KCNS3: variants seen among roughly 807,000 people sequenced by gnomAD.
KCNS3 encodes delayed-rectifier potassium channel regulatory subunit KCNS3.
A neutral mutation model predicts 31.0 loss-of-function variants in KCNS3; 13 were observed. That is an observed-to-expected ratio of 0.42 (90% CI 0.27 to 0.67). The LOEUF (loss-of-function observed/expected upper bound fraction) is 0.67, where lower values mean the gene tolerates loss of function less well. KCNS3 is among the 30% of genes least tolerant of loss of function. The pLI, the probability that KCNS3 is intolerant of heterozygous loss-of-function variation, is 0.25. For synonymous variants in KCNS3, 238 were observed against 241.5 expected, an observed-to-expected ratio of 0.99 and a Z score of 0.13; for missense variants, 545 against 622.4, an observed-to-expected ratio of 0.88 and a Z score of 1.32.
chr2:17,905,641 G>A (rs934011428), intron 1 of KCNS3, among the ~76,000 whole-genome samples: 5 of 152,074 alleles, frequency 3.3e-5, no homozygotes, highest in Admixed American at 2.6e-4. Context: ...TCTCATCAAT[G>A]CCTAATTTAT....
At chr2:17,913,884 T>C (rs765351863) in intron 1 of KCNS3, among the ~76,000 whole-genome samples, 45 of 152,186 alleles carry the variant, frequency 3.0e-4, no homozygotes, top group Non-Finnish European at 6.0e-4. Flanking sequence ...GGGGTGCTGC[T>C]AAACACTCTA....
chr2:17,932,431 G>T lies in KCNS3; in HGVS notation c.1423G>T (p.Asp475Tyr). The T allele has an allele frequency of 6.2e-7, 1 of 1,613,984 alleles. No homozygotes were observed. Among genetic ancestry groups the T allele is most frequent in the Non-Finnish European group, 8.5e-7 (1 of 1,179,970 alleles). ...CTCCACAGATGCTTCAAGCATTGAA[G>T]ACAATGAGGACATTTGTAACACCAC... ...PDSTDASSIE[D>Y]NEDICNTTSL... The change falls in exon 3 of 3, where the codon GAC becomes TAC. Residue 475 changes from aspartate to tyrosine, a missense_variant. Asp to Tyr is a radical substitution (Grantham distance 160, BLOSUM62 -3). Coordinates refer to ENST00000304101, the MANE Select transcript of KCNS3 (RefSeq NM_002252.5).
At position 17,921,222 on chromosome 2, in the gene KCNS3, T is replaced by C. The variant is rs139357557; in HGVS notation, c.-60+3351T>C. Among the ~76,000 whole-genome samples, 181 of 152,318 alleles carry C rather than the reference T, an allele frequency of 1.2e-3. No individual in the cohort carries two copies. In the East Asian group the frequency reaches 0.015, roughly 12 times the overall value. On this transcript the variant is annotated intron_variant, in intron 2 of 2. Coordinates refer to ENST00000304101, the MANE Select transcript of KCNS3 (RefSeq NM_002252.5). ...ACATTTTTAATGGAGAATTTTAACA[T>C]GTACAAAAATAAAATAATACATTAA...
chr2:17,880,695 T>G (rs1358897651), intron 1 of KCNS3, among the ~76,000 whole-genome samples: 1 of 152,228 alleles, frequency 6.6e-6, no homozygotes, highest in African/African-American at 2.4e-5. Context: ...TCAGAAGCAG[T>G]CTTTGTTCTG....
At chr2:17,917,398 G>A (rs1399732228) in intron 1 of KCNS3, among the ~76,000 whole-genome samples, 1 of 152,140 alleles carries the variant, frequency 6.6e-6, no homozygotes, top group Non-Finnish European at 1.5e-5. Context: ...CCTAATTCTA[G>A]TGCCTGGTTT....
chr2:17,894,149 A>G (rs1661931370), intron 1 of KCNS3, among the ~76,000 whole-genome samples: 1 of 151,978 alleles, frequency 6.6e-6, no homozygotes, highest in Non-Finnish European at 1.5e-5. Flanking sequence ...TTATGTGAGC[A>G]ACTCAGAAAC....
chr2:17,901,216 A>T (rs1026230630), intron 1 of KCNS3, among the ~76,000 whole-genome samples: 16 of 152,180 alleles, frequency 1.1e-4, no homozygotes, highest in African/African-American at 3.6e-4. Context: ...GAAGGAAGAA[A>T]TTGAGGGTAG....
intron 1 of KCNS3, among the ~76,000 whole-genome samples, chr2:17,881,120 C>A (rs1451153391): frequency 6.6e-6 from 1 of 152,210 alleles, no homozygotes; most frequent in African/African-American, 2.4e-5. Flanking sequence ...GCTTTCTTCA[C>A]TGCAGTATTG....
intron 1 of KCNS3, among the ~76,000 whole-genome samples, chr2:17,900,411 TG>T: frequency 6.6e-6 from 1 of 152,134 alleles, no homozygotes; most frequent in Middle Eastern, 3.4e-3. Flanking sequence ...AGCTGAGTCT[TG>T]AAGGACATTC....
chr2:17,931,889 T>C lies in KCNS3; in HGVS notation c.881T>C (p.Leu294Pro). Residue 294 changes from leucine (L) to proline (P), a missense_variant, in exon 3 of 3, where the codon CTT becomes CCT. Transcript: ENST00000304101. The surrounding 1 kb of genome is among the most constrained non-coding windows in gnomAD (Gnocchi z 5.4). ...NMGKVVQILR[L>P]MRIFRILKLA... ...GGCAAGGTGGTCCAGATCCTACGGCTTATGAGGATTTTCCGAATTCTAAAG... is the reference window on the plus strand; with the variant it reads ...GGCAAGGTGGTCCAGATCCTACGGCCTATGAGGATTTTCCGAATTCTAAAG... 1 of 1,614,116 alleles carries C rather than the reference T, an allele frequency of 6.2e-7. No homozygotes were observed. Among genetic ancestry groups the C allele is most frequent in the Non-Finnish European group, 8.5e-7 (1 of 1,179,996 alleles).
chr2:17,915,723 T>C (rs1406084485), intron 1 of KCNS3, among the ~76,000 whole-genome samples: 1 of 152,236 alleles, frequency 6.6e-6, no homozygotes, highest in Non-Finnish European at 1.5e-5. Flanking sequence ...ATGCTAGTTA[T>C]AATTTTATGT....
At chr2:17,897,516 C>G (rs996484936) in intron 1 of KCNS3, among the ~76,000 whole-genome samples, 9 of 152,176 alleles carry the variant, frequency 5.9e-5, no homozygotes, top group African/African-American at 2.2e-4. Flanking sequence ...ACAGTGTGTA[C>G]TCAGCAACCT....
chr2:17,907,992 T>C lies in KCNS3; in HGVS notation c.-251-9688T>C, dbSNP rs577742447. Among the ~76,000 whole-genome samples, 24 of 152,352 alleles carry C rather than the reference T, an allele frequency of 1.6e-4. 1 individual carries two copies. The highest frequency in any genetic ancestry group is 5.8e-4 in the African/African-American group (24 of 41,576). ...TGTGGCATTCTCTGTATTTCCTGAA[T>C]TTGAATGTTGGCCTACCTTTCTGGG... On this transcript the variant is annotated intron_variant, in intron 1 of 2. Transcript: ENST00000304101.
In KCNS3 at chr2:17,932,459, C is replaced by A. The variant is rs1211938390; in HGVS notation, c.1451C>A (p.Ser484Tyr). 3 of 1,612,474 alleles carry A rather than the reference C, an allele frequency of 1.9e-6. No homozygotes were observed. Among genetic ancestry groups the A allele is most frequent in the Middle Eastern group, 1.7e-4 (1 of 6,050 alleles). Residue 484 changes from serine to tyrosine, a missense_variant, in exon 3 of 3, where the codon TCC becomes TAC. By Grantham distance (144) the Ser-to-Tyr change is moderately radical. Transcript: ENST00000304101. ...AATGAGGACATTTGTAACACCACCT[C>A]CTTGGAGAATTGCACAGCAAAATGA... is the stretch of plus-strand genomic sequence containing the variant. ...EDNEDICNTTSLENCTAK is the reference protein window; with the variant it reads ...EDNEDICNTTYLENCTAK
At chr2:17,920,420 C>T (rs563273086) in intron 2 of KCNS3, among the ~76,000 whole-genome samples, 4 of 152,256 alleles carry the variant, frequency 2.6e-5, no homozygotes, top group Admixed American at 1.3e-4. Context: ...AGTTTGAGAG[C>T]ATGAAGCAAC....
At chr2:17,925,741 G>A (rs377321931) in intron 2 of KCNS3, among the ~76,000 whole-genome samples, 21 of 152,130 alleles carry the variant, frequency 1.4e-4, no homozygotes, top group African/African-American at 5.1e-4. Flanking sequence ...CCCTTGACAC[G>A]TGGGGATTAC....
At chr2:17,929,573 G>A (rs1662910874) in intron 2 of KCNS3, among the ~76,000 whole-genome samples, 1 of 152,222 alleles carries the variant, frequency 6.6e-6, no homozygotes, top group Non-Finnish European at 1.5e-5. Flanking sequence ...TGAGATTTAG[G>A]TGGGGACACA....
At chr2:17,895,670 A>G (rs1662009093) in intron 1 of KCNS3, among the ~76,000 whole-genome samples, 1 of 152,234 alleles carries the variant, frequency 6.6e-6, no homozygotes, top group Non-Finnish European at 1.5e-5. Flanking sequence ...TTCTGCAGGC[A>G]CAAAGGTGAG....
At chr2:17,928,738 A>G (rs114079515) in intron 2 of KCNS3, among the ~76,000 whole-genome samples, 196 of 152,198 alleles carry the variant, frequency 1.3e-3, no homozygotes, top group African/African-American at 4.6e-3. Flanking sequence ...CATAAGGGGA[A>G]AGAGATTCCT....
Sources: gnomAD v4.1 joint callset for allele counts (sites outside exome capture counted in the v4.1 genomes callset) on GRCh38, gnomAD v4.1.1 for gene constraint, Gnocchi (gnomAD v3.1) non-coding constraint, MANE v1.5 for transcripts, NCBI Gene and HGNC (gene_info 2026-07-23, HGNC 2026-07-21) for gene names.